Variants in FANCC observed in about 807,000 individuals in gnomAD.
FANCC encodes Fanconi anemia group C protein.
In FANCC, 55 loss-of-function variants were observed where a neutral mutation model predicts 71.3. That is an observed-to-expected ratio of 0.77 (90% confidence interval 0.62 to 0.97). FANCC has a LOEUF of 0.97. Among genes scored for constraint, FANCC ranks in the 50% least tolerant of loss-of-function variants. The probability of loss-of-function intolerance (pLI) is 0.00; values close to 1 mark genes in which losing one functional copy is unlikely to be tolerated. For synonymous variants in FANCC, 275 were observed against 244.9 expected, an observed-to-expected ratio of 1.12 and a Z score of -1.15; for missense variants, 678 against 670.9, an observed-to-expected ratio of 1.01 and a Z score of -0.12.
At position 95,126,210 on chromosome 9, in the gene FANCC, C is replaced by T. The variant is rs189390894; in HGVS notation, c.896+319G>A. 3.9e-5 allele frequency among the ~76,000 whole-genome samples: 6 copies of T among 152,190 alleles called. No individual in the cohort carries two copies. In the East Asian group the frequency reaches 5.8e-4, roughly 15 times the overall value. ...CATGGTGAAGGGAGTATATTGCTAC[C>T]CTTTATTCTGAGCTGAGAAAAATCC... On this transcript the variant is annotated intron_variant, in intron 9 of 14. Coordinates refer to ENST00000289081, the MANE Select transcript of FANCC (RefSeq NM_000136.3).
At chr9:95,168,229 C>T (rs1206970400) in intron 6 of FANCC, among the ~76,000 whole-genome samples, 1 of 152,144 alleles carries the variant, frequency 6.6e-6, no homozygotes, top group Non-Finnish European at 1.5e-5. Flanking sequence ...AGACAGATAC[C>T]AGTCCCTCTA....
At position 95,172,045 on chromosome 9, in the gene FANCC, G is replaced by T; in HGVS notation, c.448C>A (p.Leu150Ile). The change falls in exon 5 of 15, where the codon CTT becomes ATT. Residue 150 changes from leucine to isoleucine, a missense_variant. Leu to Ile is a conservative substitution (Grantham distance 5). Transcript: ENST00000289081. Reference sequence around the variant, plus strand: ...AAATTTTAAATACTCACATTTTTAAGCAAACCAGGATAGTAATCTATAGGT... The same window carrying T: ...AAATTTTAAATACTCACATTTTTAATCAAACCAGGATAGTAATCTATAGGT... Reference protein sequence around the residue: ...YAPIDYYPGLLKNMVLSLASE... With the variant: ...YAPIDYYPGLIKNMVLSLASE... 1 of 1,600,498 alleles carries T rather than the reference G, an allele frequency of 6.2e-7. No homozygotes were observed. Among genetic ancestry groups the T allele is most frequent in the Non-Finnish European group, 8.6e-7 (1 of 1,167,940 alleles).
chr9:95,201,129 T>A (rs567466224), intron 4 of FANCC, among the ~76,000 whole-genome samples: 1 of 152,294 alleles, frequency 6.6e-6, no homozygotes, highest in South Asian at 2.1e-4. Flanking sequence ...TTCAACAATG[T>A]AGTATAAAGC....
chr9:95,238,118 A>G (rs955137415), intron 4 of FANCC, among the ~76,000 whole-genome samples: 4 of 152,026 alleles, frequency 2.6e-5, no homozygotes, highest in African/African-American at 7.3e-5. Flanking sequence ...TGTAGCATCA[A>G]TCATTCTTCC....
At chr9:95,201,184 A>T (rs1287930503) in intron 4 of FANCC, among the ~76,000 whole-genome samples, 1 of 152,182 alleles carries the variant, frequency 6.6e-6, no homozygotes, top group East Asian at 1.9e-4. Context: ...CAACATTTGA[A>T]GTACACGTTA....
intron 14 of FANCC, among the ~76,000 whole-genome samples, chr9:95,102,548 G>A (rs1588011403): frequency 6.6e-6 from 1 of 152,246 alleles, no homozygotes; most frequent in Non-Finnish European, 1.5e-5. Context: ...TTTTGAAAGA[G>A]TAACCGATAT....
chr9:95,311,073 C>T (rs143917793), intron 1 of FANCC, among the ~76,000 whole-genome samples: 2,320 of 151,872 alleles, frequency 0.015, 27 homozygotes, highest in Non-Finnish European at 0.023. Flanking sequence ...TGAAACTCCG[C>T]CTCTAACAAA....
chr9:95,296,524 T>C (rs1300558306), intron 1 of FANCC, among the ~76,000 whole-genome samples: 1 of 151,572 alleles, frequency 6.6e-6, no homozygotes, highest in Admixed American at 6.6e-5. Context: ...AATCTAAGGG[T>C]AATTAATTTG....
At chr9:95,284,744 C>A (rs1391968418) in intron 1 of FANCC, among the ~76,000 whole-genome samples, 1 of 151,982 alleles carries the variant, frequency 6.6e-6, no homozygotes, top group Non-Finnish European at 1.5e-5. Context: ...ATGATATGTA[C>A]CAGTCTTACC....
chr9:95,103,310 T>C (rs1287941659), intron 14 of FANCC, among the ~76,000 whole-genome samples: 1 of 152,158 alleles, frequency 6.6e-6, no homozygotes, highest in Non-Finnish European at 1.5e-5. Context: ...TTCGCAGCCC[T>C]GCAGCCGCCT....
At chr9:95,244,165 C>T (rs766258275) in intron 3 of FANCC, among the ~76,000 whole-genome samples, 67 of 152,226 alleles carry the variant, frequency 4.4e-4, no homozygotes, top group African/African-American at 1.6e-3. Flanking sequence ...TGAGACCCCA[C>T]GAGTTCAGAT....
At chr9:95,239,992 C>T (rs1372961356) in intron 4 of FANCC, among the ~76,000 whole-genome samples, 2 of 152,228 alleles carry the variant, frequency 1.3e-5, no homozygotes, top group African/African-American at 2.4e-5. Flanking sequence ...ACAGCCAATG[C>T]GCTGCTGGTG....
At chr9:95,166,048 G>C (rs755076933) in intron 6 of FANCC, among the ~76,000 whole-genome samples, 2 of 151,884 alleles carry the variant, frequency 1.3e-5, no homozygotes, top group Non-Finnish European at 2.9e-5. Context: ...TTGATAGTTT[G>C]ATATAAGTAT....
intron 13 of FANCC, among the ~76,000 whole-genome samples, chr9:95,108,270 C>T (rs558082229): frequency 1.3e-5 from 2 of 152,342 alleles, no homozygotes; most frequent in Non-Finnish European, 2.9e-5. Context: ...GGCTCTTCCA[C>T]GGGGAGCGGC....
intron 7 of FANCC, among the ~76,000 whole-genome samples, chr9:95,146,864 T>G (rs1374335980): frequency 6.6e-6 from 1 of 152,122 alleles, no homozygotes; most frequent in Non-Finnish European, 1.5e-5. Flanking sequence ...AAATCATTAT[T>G]TAAAAAATTC....
chr9:95,269,719 G>A (rs939428963), intron 1 of FANCC, among the ~76,000 whole-genome samples: 7 of 152,068 alleles, frequency 4.6e-5, no homozygotes, highest in Admixed American at 1.3e-4. Context: ...TGGTTATCAC[G>A]TAGTTTTGCT....
chr9:95,200,395 T>C (rs549178173), intron 4 of FANCC, among the ~76,000 whole-genome samples: 1 of 152,350 alleles, frequency 6.6e-6, no homozygotes, highest in African/African-American at 2.4e-5. Flanking sequence ...CATTTCAAAA[T>C]GTGCGAAACT....
At chr9:95,224,343 T>C (rs1447272759) in intron 4 of FANCC, among the ~76,000 whole-genome samples, 3 of 152,148 alleles carry the variant, frequency 2.0e-5, no homozygotes, top group African/African-American at 7.2e-5. Flanking sequence ...CCCAACATGG[T>C]CTGCCACTTC....
At chr9:95,301,139 A>C (rs1331145550) in intron 1 of FANCC, among the ~76,000 whole-genome samples, 1 of 151,532 alleles carries the variant, frequency 6.6e-6, no homozygotes, top group African/African-American at 2.4e-5. Context: ...TAAAATGATG[A>C]AAAGTGGCTA....
Sources: allele counts gnomAD v4.1 joint callset (sites outside exome capture counted in the v4.1 genomes callset), GRCh38; gene constraint gnomAD v4.1.1; transcripts MANE v1.5; gene names NCBI Gene and HGNC (gene_info 2026-07-23, HGNC 2026-07-21).